The following ADAMTS17 variants were observed in gnomAD, a reference collection of about 807,000 sequenced individuals.
ADAMTS17 encodes ADAM metallopeptidase with thrombospondin type 1 motif 17.
ADAMTS17 carries 113 observed loss-of-function variants against 141.5 expected under a neutral mutation model. That is an observed-to-expected ratio of 0.80 (90% CI 0.69 to 0.93). The LOEUF is 0.93. Among genes scored for constraint, ADAMTS17 ranks in the 40% least tolerant of loss-of-function variants. The pLI is 0.00. For missense variants in ADAMTS17, 1,659 were observed against 1,517.9 expected, an observed-to-expected ratio of 1.09 and a Z score of -1.54; for synonymous variants, 768 against 630.6, an observed-to-expected ratio of 1.22 and a Z score of -3.27.
At chr15:100,274,851 A>G (rs1018397625) in intron 4 of ADAMTS17, among the ~76,000 whole-genome samples, 1 of 118,474 alleles carries the variant, frequency 8.4e-6, no homozygotes, top group Non-Finnish European at 2.0e-5. Flanking sequence ...TTCCCTTTTC[A>G]TTTGCTTTTG....
intron 15 of ADAMTS17, among the ~76,000 whole-genome samples, chr15:100,065,812 T>C (rs1244328713): frequency 6.6e-6 from 1 of 152,178 alleles, no homozygotes; most frequent in Non-Finnish European, 1.5e-5. Flanking sequence ...CGTCAACCCA[T>C]CACCTCGGTT....
chr15:100,002,468 T>C (rs12903458), intron 18 of ADAMTS17, among the ~76,000 whole-genome samples: 1 of 151,602 alleles, frequency 6.6e-6, no homozygotes, highest in African/African-American at 2.4e-5. Context: ...GCGACTCTGG[T>C]TGACACAGAG....
intron 18 of ADAMTS17, among the ~76,000 whole-genome samples, chr15:100,008,659 C>T (rs1417246335): frequency 6.6e-5 from 10 of 152,226 alleles, no homozygotes; most frequent in Non-Finnish European, 1.3e-4. Context: ...GATCTCGTCC[C>T]TTCCTGTCCC....
chr15:100,167,231 C>T (rs2039985226), intron 8 of ADAMTS17, among the ~76,000 whole-genome samples: 1 of 152,204 alleles, frequency 6.6e-6, no homozygotes. Flanking sequence ...ATCATCATAG[C>T]ATATCTTTGC....
At chr15:100,001,219 A>C (rs1194557505) in intron 18 of ADAMTS17, among the ~76,000 whole-genome samples, 1 of 152,194 alleles carries the variant, frequency 6.6e-6, no homozygotes, top group African/African-American at 2.4e-5. Flanking sequence ...ATTACCCCTG[A>C]ATCTAGAATC....
chr15:100,042,176 G>A (rs2031316317), intron 18 of ADAMTS17, among the ~76,000 whole-genome samples: 1 of 152,078 alleles, frequency 6.6e-6, no homozygotes, highest in Non-Finnish European at 1.5e-5. Flanking sequence ...CCGATTTTCT[G>A]GCACTCATTT....
intron 13 of ADAMTS17, among the ~76,000 whole-genome samples, chr15:100,114,851 A>G (rs1023713611): frequency 1.3e-5 from 2 of 152,242 alleles, no homozygotes; most frequent in African/African-American, 4.8e-5. Flanking sequence ...CAGTCCAGCC[A>G]TCCAAAAGCG....
At chr15:100,061,851 G>A (rs973091543) in intron 15 of ADAMTS17, among the ~76,000 whole-genome samples, 4 of 152,184 alleles carry the variant, frequency 2.6e-5, no homozygotes, top group African/African-American at 9.7e-5. Flanking sequence ...TAGGATGAAA[G>A]GTAACATCAG....
chr15:99,983,121 C>T (rs2060513638), intron 20 of ADAMTS17, among the ~76,000 whole-genome samples: 2 of 152,164 alleles, frequency 1.3e-5, no homozygotes, highest in Admixed American at 1.3e-4. Flanking sequence ...AGACATTGTG[C>T]AAGCGTTACT....
intron 3 of ADAMTS17, among the ~76,000 whole-genome samples, chr15:100,310,654 C>A (rs752045037): frequency 6.6e-6 from 1 of 152,192 alleles, no homozygotes; most frequent in Admixed American, 6.5e-5. Context: ...AGGTTGCATC[C>A]ACACCACCAC....
At chr15:100,313,328 C>A (rs899364222) in intron 3 of ADAMTS17, among the ~76,000 whole-genome samples, 3 of 152,170 alleles carry the variant, frequency 2.0e-5, no homozygotes, top group African/African-American at 4.8e-5. Flanking sequence ...TACACCACAA[C>A]CAAATGAGAT....
chr15:100,109,260 C>CCAGCTCCTCTACACACGCGGCA, intron 13 of ADAMTS17, 144 bp from the exon 14 acceptor site: 9 of 1,165,204 alleles, frequency 7.7e-6, no homozygotes, highest in Non-Finnish European at 1.1e-5. Flanking sequence ...GGTACGCGCT[C>CCAGCTCCTCTACACACGCGGCA]CAGGAAGCGG....
rs574055860 is a variant in ADAMTS17 at position 100,299,313 on chromosome 15, G to A, written c.617-17912C>T. 4.0e-4 allele frequency among the ~76,000 whole-genome samples: 61 copies of A among 151,606 alleles called. No homozygotes were observed. In the East Asian group the frequency reaches 6.1e-3, roughly 15 times the overall value. On this transcript the variant is annotated intron_variant, in intron 3 of 21. Coordinates refer to ENST00000268070, the MANE Select transcript of ADAMTS17 (RefSeq NM_139057.4). The stretch of plus-strand genomic sequence containing the variant: ...CAGGGTGTGTGTGTGTGTAACCGCC[G>A]TCAGGACAGTCGGGGGACTCGCAGG...
chr15:100,226,598 T>C (rs752366698), intron 7 of ADAMTS17, among the ~76,000 whole-genome samples: 3 of 152,200 alleles, frequency 2.0e-5, no homozygotes, highest in Non-Finnish European at 2.9e-5. Context: ...TGTAACTCTC[T>C]CACTGCATTT....
intron 15 of ADAMTS17, among the ~76,000 whole-genome samples, chr15:100,094,285 A>G (rs1226266257): frequency 1.3e-5 from 2 of 152,266 alleles, no homozygotes; most frequent in East Asian, 3.8e-4. Context: ...GGAGGCTTCC[A>G]GTATGGTCCA....
chr15:100,025,756 G>T (rs865964739), intron 18 of ADAMTS17, among the ~76,000 whole-genome samples: 1 of 151,976 alleles, frequency 6.6e-6, no homozygotes, highest in Non-Finnish European at 1.5e-5. Flanking sequence ...AGTAAGCTAG[G>T]CCAATTCCAA....
At chr15:100,299,195 G>C (rs2044934094) in intron 3 of ADAMTS17, among the ~76,000 whole-genome samples, 1 of 152,008 alleles carries the variant, frequency 6.6e-6, no homozygotes, top group African/African-American at 2.4e-5. Context: ...GAACTTGGGG[G>C]AGACACAATT....
rs758966431 is a variant in ADAMTS17, at chr15:100,114,752, G to GC, written c.1888+2094dup. Among the ~76,000 whole-genome samples, 244 of 152,274 alleles carry GC rather than the reference G, an allele frequency of 1.6e-3. 2 individuals are homozygous for GC. The highest frequency in any genetic ancestry group is 2.1e-3 in the Non-Finnish European group (143 of 68,024). On this transcript the variant is annotated intron_variant, in intron 13 of 21. Coordinates refer to ENST00000268070, the MANE Select transcript of ADAMTS17 (RefSeq NM_139057.4). ...AAAGGTCACATTCCCAATCCAAGTG[G>GC]CCCCCCAGAGAGCCACACCGCAAGG... is the stretch of plus-strand genomic sequence containing the variant.
intron 10 of ADAMTS17, among the ~76,000 whole-genome samples, chr15:100,134,717 T>C (rs1051073263): frequency 6.6e-6 from 1 of 152,228 alleles, no homozygotes. Flanking sequence ...AAGGCAGAGC[T>C]GGAGGGAGCT....
Sources: allele counts gnomAD v4.1 joint callset (sites outside exome capture counted in the v4.1 genomes callset), GRCh38; gene constraint gnomAD v4.1.1; transcripts MANE v1.5; gene names NCBI Gene and HGNC (gene_info 2026-07-23, HGNC 2026-07-21).